Variants in OCIAD1 observed in about 807,000 individuals in gnomAD.
The protein encoded by OCIAD1 is OCIA domain containing 1.
A neutral mutation model predicts 38.9 loss-of-function variants in OCIAD1; 29 were observed. The ratio of observed to expected loss-of-function variants is 0.74; its 90% confidence interval spans 0.55 to 1.02. The LOEUF (loss-of-function observed/expected upper bound fraction) is 1.02, where lower values mean the gene tolerates loss of function less well. Ranked by LOEUF, OCIAD1 falls within the 50% of genes least tolerant of loss-of-function variation. The pLI, the probability that OCIAD1 is intolerant of heterozygous loss-of-function variation, is 0.00. For synonymous variants in OCIAD1, 110 were observed against 92.0 expected (o/e 1.20, Z -1.12); for missense variants, 288 against 289.6 (o/e 0.99, Z 0.04).
chr4:48,819,076 C>A (rs540405622), intron 1 of OCIAD1, among the ~76,000 whole-genome samples: 8 of 152,082 alleles, frequency 5.3e-5, no homozygotes, highest in Non-Finnish European at 1.2e-4. Context: ...ACAGAGAACA[C>A]CACTAAGACA....
At chr4:48,816,177 GCT>G (rs571659240) in intron 1 of OCIAD1, among the ~76,000 whole-genome samples, 1 of 151,978 alleles carries the variant, frequency 6.6e-6, no homozygotes, top group East Asian at 1.9e-4. Flanking sequence ...TGCATTTCTC[GCT>G]CTCTCTCTGT....
chr4:48,855,740 T>C (rs944737546), intron 7 of OCIAD1, among the ~76,000 whole-genome samples: 2 of 151,086 alleles, frequency 1.3e-5, no homozygotes, highest in Non-Finnish European at 2.9e-5. Context: ...CACTGGAACC[T>C]GGCAGGGGGA....
intron 5 of OCIAD1, 24 bp from the exon 6 acceptor site, chr4:48,849,923 T>C (rs559844461): frequency 1.3e-6 from 2 of 1,585,992 alleles, no homozygotes; most frequent in African/African-American, 1.4e-5. Context: ...TCAGTTACAC[T>C]TTTTGTTTGA....
chr4:48,838,046 G>C (rs1778162341), intron 3 of OCIAD1, among the ~76,000 whole-genome samples: 2 of 151,982 alleles, frequency 1.3e-5, no homozygotes, highest in African/African-American at 2.4e-5. Context: ...GGCTGGGCTT[G>C]GTGGCTCACA....
intron 7 of OCIAD1, chr4:48,856,301 C>T (rs907490350): frequency 9.2e-5 from 14 of 152,124 alleles, no homozygotes; most frequent in African/African-American, 3.4e-4. Flanking sequence ...TCTTCTGCAT[C>T]AACATTGCAT....
At chr4:48,853,251 A>G (rs752111896) in intron 7 of OCIAD1, among the ~76,000 whole-genome samples, 2 of 152,158 alleles carry the variant, frequency 1.3e-5, no homozygotes, top group Non-Finnish European at 2.9e-5. Flanking sequence ...ACCCTGACCT[A>G]AATTCACATA....
chr4:48,845,112 T>TGGCCAA, intron 4 of OCIAD1, among the ~76,000 whole-genome samples: 1 of 152,208 alleles, frequency 6.6e-6, no homozygotes, highest in African/African-American at 2.4e-5. Context: ...CAAAACCATT[T>TGGCCAA]AAACATGCTC....
chr4:48,826,134 G>A (rs910483858), upstream of OCIAD1, among the ~76,000 whole-genome samples: 4 of 151,922 alleles, frequency 2.6e-5, no homozygotes, highest in African/African-American at 9.7e-5. Flanking sequence ...TACTGTGCTT[G>A]GCCTCCCTCC....
At chr4:48,820,943 G>A (rs535679493) in intron 1 of OCIAD1, among the ~76,000 whole-genome samples, 7 of 152,236 alleles carry the variant, frequency 4.6e-5, no homozygotes, top group Admixed American at 2.6e-4. Context: ...AGGACCAGAC[G>A]AATTCACAGC....
chr4:48,846,014 T>C (rs1579084439), intron 4 of OCIAD1, among the ~76,000 whole-genome samples: 1 of 152,206 alleles, frequency 6.6e-6, no homozygotes, highest in African/African-American at 2.4e-5. Flanking sequence ...TACTCAAATA[T>C]TTGAGGGGAT....
chr4:48,819,133 A>G (rs1777167243), intron 1 of OCIAD1, among the ~76,000 whole-genome samples: 1 of 152,168 alleles, frequency 6.6e-6, no homozygotes. Flanking sequence ...CAGATTCTCC[A>G]ACATGAAAAC....
intron 5 of OCIAD1, among the ~76,000 whole-genome samples, 197 bp from the exon 6 acceptor site, chr4:48,849,750 A>G (rs1373565493): frequency 6.6e-6 from 1 of 152,182 alleles, no homozygotes; most frequent in Admixed American, 6.5e-5. Context: ...TGGAAACTGA[A>G]TTATATCCAT....
intron 3 of OCIAD1, among the ~76,000 whole-genome samples, chr4:48,841,136 A>G (rs545241711): frequency 7.2e-5 from 11 of 152,348 alleles, no homozygotes; most frequent in Admixed American, 6.5e-4. Context: ...GAACACAGCT[A>G]CGTTCATGTG....
chr4:48,848,663 A>G, intron 5 of OCIAD1: 1 of 349,694 alleles, frequency 2.9e-6, no homozygotes, highest in Non-Finnish European at 5.1e-6. Flanking sequence ...GTGTCTTTAT[A>G]ATGTAATAGA....
At chr4:48,820,868 A>G (rs1414594076) in intron 1 of OCIAD1, among the ~76,000 whole-genome samples, 1 of 152,206 alleles carries the variant, frequency 6.6e-6, no homozygotes, top group Non-Finnish European at 1.5e-5. Context: ...AGACTCCCTG[A>G]ATAGACCAAT....
chr4:48,815,078 C>G (rs1777131336), intron 1 of OCIAD1, among the ~76,000 whole-genome samples: 1 of 152,186 alleles, frequency 6.6e-6, no homozygotes, highest in South Asian at 2.1e-4. Context: ...CTTTGGGAGG[C>G]TGAGGTGGGC....
intron 4 of OCIAD1, 91 bp downstream of exon 4, chr4:48,842,780 C>A: frequency 1.5e-6 from 1 of 688,166 alleles, no homozygotes; most frequent in South Asian, 1.9e-5. Flanking sequence ...GTAAAGATAA[C>A]AATGTATCAT....
At chr4:48,808,205 A>T (rs979795996) in intron 1 of OCIAD1, among the ~76,000 whole-genome samples, 3 of 152,164 alleles carry the variant, frequency 2.0e-5, no homozygotes, top group African/African-American at 7.2e-5. Context: ...CAGTGGCTCA[A>T]GCCCATAAGC....
intron 4 of OCIAD1, 42 bp downstream of exon 4, chr4:48,842,731 C>G (rs1469503654): frequency 9.1e-7 from 1 of 1,093,546 alleles, no homozygotes; most frequent in Non-Finnish European, 1.3e-6. Context: ...TTTTGGATAC[C>G]ATGTTTGTTT....
Sources: allele counts gnomAD v4.1 joint callset (sites outside exome capture counted in the v4.1 genomes callset), GRCh38; gene constraint gnomAD v4.1.1; transcripts MANE v1.5; gene names NCBI Gene and HGNC (gene_info 2026-07-23, HGNC 2026-07-21).